The following SLCO2A1 variants were observed in gnomAD, a reference collection of about 807,000 sequenced individuals.
SLCO2A1 encodes solute carrier organic anion transporter family member 2A1.
In SLCO2A1, 60 loss-of-function variants were observed where a neutral mutation model predicts 71.7. The ratio of observed to expected loss-of-function variants is 0.84; its 90% confidence interval spans 0.68 to 1.04. The LOEUF is 1.04. Among genes scored for constraint, SLCO2A1 ranks in the 50% least tolerant of loss-of-function variants. SLCO2A1 has a pLI of 0.00. For synonymous variants in SLCO2A1, 308 were observed against 326.7 expected (o/e 0.94, Z 0.62); for missense variants, 745 against 813.4 (o/e 0.92, Z 1.02).
intron 3 of SLCO2A1, among the ~76,000 whole-genome samples, chr3:133,959,312 G>A (rs1295401708): frequency 1.3e-5 from 2 of 150,624 alleles, no homozygotes; most frequent in African/African-American, 2.5e-5. Context: ...GGTACCCAGA[G>A]CATCAAAAAA....
intron 3 of SLCO2A1, among the ~76,000 whole-genome samples, chr3:133,960,981 GGTCA>G (rs1190029944): frequency 6.6e-6 from 1 of 152,006 alleles, no homozygotes; most frequent in Non-Finnish European, 1.5e-5. Context: ...CATGAATAAA[GGTCA>G]GTGAGGCTGG....
intron 6 of SLCO2A1, 75 bp from the exon 7 acceptor site, chr3:133,949,046 CTGGCCTCAG>C: frequency 7.5e-7 from 1 of 1,333,364 alleles, no homozygotes; most frequent in Non-Finnish European, 1.1e-6. Context: ...CCTTGAGTCT[CTGGCCTCAG>C]AAGCTCAGGG....
chr3:133,945,150 G>C lies in SLCO2A1; in HGVS notation c.1406C>G (p.Pro469Arg). ...CGDNGIEYLS[P>R]CHAGCSNINM... ...GATGTTGCTGCAGCCGGCATGGCAA[G>C]GGGAGAGGTACTCGATTCCATTGTC... is the stretch of plus-strand genomic sequence containing the variant. Residue 469 changes from proline (P) to arginine (R), a missense_variant, in exon 10 of 14, where the codon CCT becomes CGT. Physicochemically the swap from Pro to Arg is moderately radical, Grantham distance 103. Transcript: ENST00000310926. 6.2e-7 allele frequency: 1 copy of C among 1,614,114 alleles called. No homozygotes were observed. Among genetic ancestry groups the C allele is most frequent in the South Asian group, 1.1e-5 (1 of 91,078 alleles).
intron 1 of SLCO2A1, among the ~76,000 whole-genome samples, chr3:133,988,726 C>A (rs1394634604): frequency 6.6e-6 from 1 of 152,214 alleles, no homozygotes; most frequent in African/African-American, 2.4e-5. Flanking sequence ...GTGCTGCTGG[C>A]TTTAGTCCCT....
chr3:133,996,196 C>A (rs1376119053), intron 1 of SLCO2A1, among the ~76,000 whole-genome samples: 1 of 152,186 alleles, frequency 6.6e-6, no homozygotes, highest in African/African-American at 2.4e-5. Context: ...GAGCCCTCAT[C>A]TGGGGGAACC....
intron 2 of SLCO2A1, among the ~76,000 whole-genome samples, chr3:133,976,196 G>A (rs1311343538): frequency 6.6e-6 from 1 of 152,254 alleles, no homozygotes; most frequent in Non-Finnish European, 1.5e-5. Flanking sequence ...GTGAAGGTGT[G>A]TGAGAGGCAG....
At chr3:134,003,110 A>C (rs773781979) in intron 1 of SLCO2A1, among the ~76,000 whole-genome samples, 2 of 151,950 alleles carry the variant, frequency 1.3e-5, no homozygotes, top group Non-Finnish European at 2.9e-5. Context: ...AGTGCAAGGG[A>C]ATGTGGTTTC....
chr3:133,943,540 A>T (rs1047720885), intron 10 of SLCO2A1, among the ~76,000 whole-genome samples: 1 of 152,220 alleles, frequency 6.6e-6, no homozygotes, highest in Admixed American at 6.5e-5. Context: ...AAAGTTAGTT[A>T]TATAAAATAT....
intron 1 of SLCO2A1, among the ~76,000 whole-genome samples, chr3:133,989,236 T>C (rs193040830): frequency 6.6e-6 from 1 of 152,368 alleles, no homozygotes; most frequent in Admixed American, 6.5e-5. Flanking sequence ...TTTGAGCTGC[T>C]TGCTAGGGCC....
chr3:133,995,956 C>T (rs961825671), intron 1 of SLCO2A1, among the ~76,000 whole-genome samples: 8 of 152,166 alleles, frequency 5.3e-5, no homozygotes, highest in Non-Finnish European at 1.0e-4. Flanking sequence ...AAGCCCTTGT[C>T]GACATTTTAG....
intron 4 of SLCO2A1, among the ~76,000 whole-genome samples, chr3:133,954,398 G>A (rs1933830851): frequency 6.6e-6 from 1 of 152,162 alleles, no homozygotes; most frequent in Non-Finnish European, 1.5e-5. Context: ...CCGGCCTCAG[G>A]TGATCCGCCT....
chr3:133,994,352 C>T (rs1934917655), intron 1 of SLCO2A1, among the ~76,000 whole-genome samples: 1 of 152,200 alleles, frequency 6.6e-6, no homozygotes, highest in Non-Finnish European at 1.5e-5. Context: ...CTCCACCATG[C>T]TGCCTGGGGT....
At chr3:133,976,657 C>T (rs1934457841) in intron 2 of SLCO2A1, among the ~76,000 whole-genome samples, 1 of 151,860 alleles carries the variant, frequency 6.6e-6, no homozygotes. Context: ...TCTCCTCAGC[C>T]CTGGAGCAGC....
At chr3:134,020,398 G>A (rs555963518) in intron 1 of SLCO2A1, among the ~76,000 whole-genome samples, 43 of 152,276 alleles carry the variant, frequency 2.8e-4, no homozygotes, top group Non-Finnish European at 5.3e-4. Flanking sequence ...CTCCTTAGGC[G>A]GCTTAAGCCT....
At chr3:134,000,354 G>C (rs945156230) in intron 1 of SLCO2A1, among the ~76,000 whole-genome samples, 1 of 152,170 alleles carries the variant, frequency 6.6e-6, no homozygotes, top group South Asian at 2.1e-4. Flanking sequence ...ACTGAGGAGA[G>C]GGGTCAGGGA....
At chr3:134,014,732 A>G (rs1403534347) in intron 1 of SLCO2A1, among the ~76,000 whole-genome samples, 1 of 152,132 alleles carries the variant, frequency 6.6e-6, no homozygotes, top group Non-Finnish European at 1.5e-5. Flanking sequence ...CAGAGCTGAG[A>G]GATGTTCCGT....
At chr3:134,023,121 AAAACAAAC>A (rs143225028) in intron 1 of SLCO2A1, among the ~76,000 whole-genome samples, 612 of 38,420 alleles carry the variant, frequency 0.016, 3 homozygotes, top group Middle Eastern at 0.029. Flanking sequence ...TTCATACAGC[AAAACAAAC>A]AAACAAACAA....
At chr3:133,942,458 C>A in intron 11 of SLCO2A1, 147 bp downstream of exon 11, 1 of 852,962 alleles carries the variant, frequency 1.2e-6, no homozygotes, top group Non-Finnish European at 1.8e-6. Flanking sequence ...TTCCCCTCAG[C>A]AAAAGAACCT....
intron 8 of SLCO2A1, 44 bp downstream of exon 8, chr3:133,948,492 G>T (rs762643671): frequency 1.3e-6 from 2 of 1,580,078 alleles, no homozygotes; most frequent in Admixed American, 3.5e-5. Flanking sequence ...CTGCCTCCTG[G>T]CCCAGGCAAG....
Sources: allele counts gnomAD v4.1 joint callset (sites outside exome capture counted in the v4.1 genomes callset), GRCh38; gene constraint gnomAD v4.1.1; transcripts MANE v1.5; gene names NCBI Gene and HGNC (gene_info 2026-07-23, HGNC 2026-07-21).